Variants in MAGI2 observed in about 807,000 individuals in gnomAD.
MAGI2 encodes the protein membrane associated guanylate kinase, WW and PDZ domain containing 2.
Under a neutral mutation model 133.3 loss-of-function variants are expected in MAGI2, and 35 were observed. That is an observed-to-expected ratio of 0.26 (90% CI 0.20 to 0.35). MAGI2 has a LOEUF of 0.35. Ranked by LOEUF, MAGI2 falls within the 10% of genes least tolerant of loss-of-function variation. MAGI2 has a pLI of 1.00. For synonymous variants in MAGI2, 729 were observed against 710.6 expected, an observed-to-expected ratio of 1.03 and a Z score of -0.41; for missense variants, 1,636 against 1,863.4, an observed-to-expected ratio of 0.88 and a Z score of 2.25.
At chr7:78,868,576 T>C (rs1020476406) in intron 2 of MAGI2, among the ~76,000 whole-genome samples, 15 of 152,182 alleles carry the variant, frequency 9.9e-5, no homozygotes, top group Non-Finnish European at 1.3e-4. Context: ...AAGGATATTG[T>C]GTAAAATTTA....
intron 6 of MAGI2, among the ~76,000 whole-genome samples, chr7:78,454,196 C>T (rs977502796): frequency 6.6e-6 from 1 of 152,118 alleles, no homozygotes; most frequent in African/African-American, 2.4e-5. Context: ...CCGACAGGAT[C>T]AACATACCTC....
At position 79,287,536 on chromosome 7, in the gene MAGI2, G is replaced by A. The variant is rs1415019785; in HGVS notation, c.301+165484C>T. Among the ~76,000 whole-genome samples the A allele has an allele frequency of 2.0e-5, 3 of 152,070 alleles. No homozygotes were observed. In the East Asian group the frequency reaches 5.8e-4, roughly 29 times the overall value. On this transcript the variant is annotated intron_variant, in intron 1 of 21. Coordinates refer to ENST00000354212, the MANE Select transcript of MAGI2 (RefSeq NM_012301.4). ...GAAGCATTAGAGTAAGGGTTTTTGT[G>A]GCTGGATAGATTTGAATTTGAATAT...
intron 2 of MAGI2, among the ~76,000 whole-genome samples, chr7:78,631,216 C>T (rs759891535): frequency 3.3e-5 from 5 of 152,196 alleles, no homozygotes; most frequent in Non-Finnish European, 5.9e-5. Context: ...CACCACCATT[C>T]TTCTAGTTGT....
chr7:79,247,554 A>G (rs555321245), intron 1 of MAGI2, among the ~76,000 whole-genome samples: 2 of 152,284 alleles, frequency 1.3e-5, no homozygotes, highest in East Asian at 1.9e-4. Flanking sequence ...TCGAGGCTAT[A>G]GTGAGCTGTG....
At chr7:78,369,239 A>T (rs780738089) in intron 6 of MAGI2, 26 bp from the exon 7 acceptor site, 1 of 1,476,748 alleles carries the variant, frequency 6.8e-7, no homozygotes, top group East Asian at 2.3e-5. Flanking sequence ...TTCTTTCAGT[A>T]AATAAAGAAT....
intron 1 of MAGI2, among the ~76,000 whole-genome samples, chr7:79,403,224 T>C (rs1394957622): frequency 6.6e-6 from 1 of 152,194 alleles, no homozygotes; most frequent in Non-Finnish European, 1.5e-5. Context: ...CCAAAAGTTT[T>C]TTGTTTTCAT....
intron 1 of MAGI2, among the ~76,000 whole-genome samples, chr7:79,069,223 T>C (rs1814700096): frequency 6.6e-6 from 1 of 152,142 alleles, no homozygotes; most frequent in Admixed American, 6.5e-5. Flanking sequence ...ACTAGTATTG[T>C]GTGGGAGTCT....
intron 1 of MAGI2, among the ~76,000 whole-genome samples, chr7:79,309,334 T>C (rs1382528078): frequency 6.6e-6 from 1 of 151,492 alleles, no homozygotes; most frequent in Admixed American, 6.6e-5. Flanking sequence ...AGAGATTTTG[T>C]TTTTGTTTCT....
At chr7:78,814,989 AACT>A (rs1345484721) in intron 2 of MAGI2, among the ~76,000 whole-genome samples, 2 of 152,238 alleles carry the variant, frequency 1.3e-5, no homozygotes, top group East Asian at 1.9e-4. Flanking sequence ...CAGCATCCTA[AACT>A]ACTAAGATTA....
chr7:78,408,122 ATTTCTTCTG>A (rs1797553987), intron 6 of MAGI2, among the ~76,000 whole-genome samples: 1 of 152,094 alleles, frequency 6.6e-6, no homozygotes, highest in South Asian at 2.1e-4. Context: ...CCTGTCTTCT[ATTTCTTCTG>A]TAAGAATATT....
At chr7:78,759,333 A>T (rs1198439525) in intron 2 of MAGI2, among the ~76,000 whole-genome samples, 2 of 152,158 alleles carry the variant, frequency 1.3e-5, no homozygotes, top group Non-Finnish European at 2.9e-5. Context: ...TTAAATTATA[A>T]ATTTGTTTCT....
intron 2 of MAGI2, among the ~76,000 whole-genome samples, chr7:78,742,005 T>C (rs534091274): frequency 2.7e-4 from 41 of 152,042 alleles, no homozygotes; most frequent in Admixed American, 2.4e-3. Context: ...ATCATCTAGT[T>C]ATCTAGTTAT....
At chr7:78,538,450 A>C (rs568897305) in intron 3 of MAGI2, among the ~76,000 whole-genome samples, 1 of 152,364 alleles carries the variant, frequency 6.6e-6, no homozygotes, top group South Asian at 2.1e-4. Context: ...GATTCTACCC[A>C]TCAATGAGCA....
intron 2 of MAGI2, among the ~76,000 whole-genome samples, chr7:78,864,941 A>G (rs539792111): frequency 6.6e-6 from 1 of 152,294 alleles, no homozygotes; most frequent in South Asian, 2.1e-4. Context: ...CAAGGAGAGG[A>G]GACTACTTTA....
At chr7:78,704,557 C>A (rs1003594619) in intron 2 of MAGI2, among the ~76,000 whole-genome samples, 6 of 152,094 alleles carry the variant, frequency 3.9e-5, no homozygotes, top group Non-Finnish European at 7.4e-5. Context: ...CCAGCAATCC[C>A]GTTATTGGGT....
chr7:79,035,093 G>T (rs1810986265), intron 1 of MAGI2, among the ~76,000 whole-genome samples: 1 of 151,794 alleles, frequency 6.6e-6, no homozygotes, highest in Admixed American at 6.6e-5. Context: ...ATAATAAATT[G>T]AAAAGCATGA....
intron 2 of MAGI2, among the ~76,000 whole-genome samples, chr7:78,716,976 A>G (rs1252541840): frequency 6.6e-6 from 1 of 152,152 alleles, no homozygotes; most frequent in African/African-American, 2.4e-5. Context: ...TCCACCAGAG[A>G]CTGAACCGTG....
chr7:78,573,227 A>AATATAT (rs1563188147), intron 3 of MAGI2, among the ~76,000 whole-genome samples: 13 of 58,948 alleles, frequency 2.2e-4, no homozygotes, highest in African/African-American at 1.1e-3. Context: ...AATATATATA[A>AATATAT]ATATAAATAT....
At chr7:79,208,194 C>A (rs553034652) in intron 1 of MAGI2, among the ~76,000 whole-genome samples, 1 of 151,776 alleles carries the variant, frequency 6.6e-6, no homozygotes, top group East Asian at 1.9e-4. Flanking sequence ...AGAATTACAT[C>A]AAACTAAAAA....
Sources: allele counts gnomAD v4.1 joint callset (sites outside exome capture counted in the v4.1 genomes callset), GRCh38; gene constraint gnomAD v4.1.1; transcripts MANE v1.5; gene names NCBI Gene and HGNC (gene_info 2026-07-23, HGNC 2026-07-21).